Variants in GAB2 observed in about 807,000 individuals in gnomAD.
GAB2 encodes GRB2 associated binding protein 2, also known as GRB2-associated-binding protein 2.
GAB2 carries 26 observed loss-of-function variants against 65.5 expected under a neutral mutation model. The ratio of observed to expected loss-of-function variants is 0.40; its 90% CI spans 0.29 to 0.55. GAB2 has a LOEUF of 0.55. Ranked by LOEUF, GAB2 falls within the 20% of genes least tolerant of loss-of-function variation. The pLI, the probability that GAB2 is intolerant of heterozygous loss-of-function variation, is 0.53. For missense variants in GAB2, 884 were observed against 875.8 expected, an observed-to-expected ratio of 1.01 and a Z score of -0.12; for synonymous variants, 321 against 329.6, an observed-to-expected ratio of 0.97 and a Z score of 0.28.
At chr11:78,395,392 T>A in intron 1 of GAB2, among the ~76,000 whole-genome samples, 1 of 152,242 alleles carries the variant, frequency 6.6e-6, no homozygotes, top group East Asian at 1.9e-4. Flanking sequence ...GGGCAGAGGT[T>A]GCAGTGAGCT....
intron 1 of GAB2, among the ~76,000 whole-genome samples, chr11:78,408,690 G>T (rs1272837478): frequency 5.9e-5 from 9 of 152,160 alleles, no homozygotes; most frequent in African/African-American, 1.7e-4. Flanking sequence ...GGGCCTGATG[G>T]GAAATGATTG....
At chr11:78,245,930 T>A (rs1038050068) in intron 3 of GAB2, among the ~76,000 whole-genome samples, 4 of 151,332 alleles carry the variant, frequency 2.6e-5, no homozygotes, top group African/African-American at 9.7e-5. Context: ...TGGCAGAGGG[T>A]TTTTTTATTT....
intron 1 of GAB2, chr11:78,341,833 A>T (rs1334741606): frequency 1.0e-6 from 1 of 984,660 alleles, no homozygotes; most frequent in Non-Finnish European, 1.2e-6. Flanking sequence ...TGTCTCAGTT[A>T]CTCCTCTCTT....
chr11:78,286,584 AT>A (rs545937814), intron 1 of GAB2, among the ~76,000 whole-genome samples: 1 of 151,750 alleles, frequency 6.6e-6, no homozygotes, highest in African/African-American at 2.4e-5. Context: ...AGATCTGTTG[AT>A]TTTTTTTCAT....
chr11:78,385,728 T>C (rs1856757500), intron 1 of GAB2, among the ~76,000 whole-genome samples: 1 of 152,120 alleles, frequency 6.6e-6, no homozygotes, highest in Non-Finnish European at 1.5e-5. Flanking sequence ...ATGTCCAATG[T>C]CTCCAAACTG....
At chr11:78,345,612 A>G (rs1856167820) in intron 1 of GAB2, among the ~76,000 whole-genome samples, 1 of 152,226 alleles carries the variant, frequency 6.6e-6, no homozygotes, top group Non-Finnish European at 1.5e-5. Context: ...TAAACTGTGC[A>G]GAATAGTCAA....
intron 1 of GAB2, among the ~76,000 whole-genome samples, chr11:78,379,779 G>A (rs563687527): frequency 6.6e-6 from 1 of 152,256 alleles, no homozygotes; most frequent in African/African-American, 2.4e-5. Flanking sequence ...TAAATCAAGG[G>A]CCATTTTAAG....
chr11:78,226,956 T>C lies in GAB2; in HGVS notation c.716A>G (p.Asn239Ser), dbSNP rs764556757. ...GCCATGGACTTGACCACTGATCCCG[T>C]TGACACAGTGTCCATTGCCCTGGGC... ...KLAQGNGHCV[N>S]GISGQVHGFY... The change falls in exon 4 of 10, where the codon AAC (asparagine) becomes AGC (serine). Residue 239 changes from asparagine (N) to serine (S), a missense_variant. By Grantham distance (46) the Asn-to-Ser change is conservative. Transcript: ENST00000361507. 19 of 1,613,536 alleles carry C rather than the reference T, an allele frequency of 1.2e-5. No individual in the cohort carries two copies. Among genetic ancestry groups the C allele is most frequent in the Middle Eastern group, 1.6e-4 (1 of 6,084 alleles).
chr11:78,371,681 G>A lies in GAB2; in HGVS notation c.75+45965C>T, dbSNP rs773398470. 5.3e-5 allele frequency among the ~76,000 whole-genome samples: 8 copies of A among 152,212 alleles called. 1 individual carries two copies. The highest frequency in any genetic ancestry group is 4.1e-4 in the South Asian group (2 of 4,830). On this transcript the variant is annotated intron_variant, in intron 1 of 9. Coordinates refer to ENST00000361507, the MANE Select transcript of GAB2 (RefSeq NM_080491.3). ...AGTTCATGCTTATAGCTGGGGCTAA[G>A]CACACATTTGCTGAATGAACCAAGA...
intron 1 of GAB2, among the ~76,000 whole-genome samples, chr11:78,413,022 T>C (rs1324556088): frequency 6.6e-6 from 1 of 152,224 alleles, no homozygotes; most frequent in East Asian, 1.9e-4. Context: ...AAGTTTCTCA[T>C]CTGAGCAAGT....
At chr11:78,406,502 G>T (rs534833591) in intron 1 of GAB2, among the ~76,000 whole-genome samples, 1 of 151,792 alleles carries the variant, frequency 6.6e-6, no homozygotes, top group African/African-American at 2.4e-5. Flanking sequence ...CTCAGCCTCC[G>T]AAGTAGCTGG....
intron 1 of GAB2, among the ~76,000 whole-genome samples, chr11:78,373,190 T>C (rs1856593917): frequency 6.6e-6 from 1 of 152,010 alleles, no homozygotes; most frequent in Non-Finnish European, 1.5e-5. Context: ...CTCTGTTCTA[T>C]ACATTATATA....
chr11:78,348,811 G>C (rs1420772678), intron 1 of GAB2, among the ~76,000 whole-genome samples: 1 of 152,166 alleles, frequency 6.6e-6, no homozygotes, highest in Non-Finnish European at 1.5e-5. Flanking sequence ...CCAGAAACAA[G>C]AAAGAACCCA....
chr11:78,283,616 C>T (rs965299852), intron 1 of GAB2, among the ~76,000 whole-genome samples: 1 of 152,146 alleles, frequency 6.6e-6, no homozygotes, highest in African/African-American at 2.4e-5. Flanking sequence ...AACTGCACCA[C>T]TGAAATAGCT....
At chr11:78,269,548 C>T (rs1213039091) in intron 2 of GAB2, among the ~76,000 whole-genome samples, 1 of 152,214 alleles carries the variant, frequency 6.6e-6, no homozygotes, top group Non-Finnish European at 1.5e-5. Context: ...AGGCACCAGT[C>T]ATTCTCTCTA....
chr11:78,288,411 G>GA (rs1449473634), intron 1 of GAB2, among the ~76,000 whole-genome samples: 4 of 143,778 alleles, frequency 2.8e-5, no homozygotes, highest in Non-Finnish European at 6.1e-5. Flanking sequence ...AGAAGAAGAA[G>GA]AAGAAAGAAA....
Position 78,328,844 on chromosome 11 carries a change from T to C in GAB2, c.76-47943A>G, listed in dbSNP as rs530407812. 3.9e-4 allele frequency among the ~76,000 whole-genome samples: 59 copies of C among 152,250 alleles called. No homozygotes were observed. In the South Asian group the frequency reaches 0.011, roughly 29 times the overall value. ...TCTGGAACGATGGTAATGTTTTATATAGTCTGATAGGAGCTTTAGTTACAT... is the reference window on the plus strand; with the variant it reads ...TCTGGAACGATGGTAATGTTTTATACAGTCTGATAGGAGCTTTAGTTACAT... On this transcript the variant is annotated intron_variant, in intron 1 of 9. Coordinates refer to ENST00000361507, the MANE Select transcript of GAB2 (RefSeq NM_080491.3).
At chr11:78,246,011 C>A (rs1317446073) in intron 3 of GAB2, among the ~76,000 whole-genome samples, 1 of 149,752 alleles carries the variant, frequency 6.7e-6, no homozygotes, top group Non-Finnish European at 1.5e-5. Context: ...AATGGCGCAA[C>A]CTCCGCCTCC....
At chr11:78,298,814 T>C (rs1164267210) in intron 1 of GAB2, among the ~76,000 whole-genome samples, 1 of 152,156 alleles carries the variant, frequency 6.6e-6, no homozygotes, top group African/African-American at 2.4e-5. Flanking sequence ...GGAATATAAA[T>C]TGTTTCCTTT....
Sources: gnomAD v4.1 joint callset for allele counts (sites outside exome capture counted in the v4.1 genomes callset) on GRCh38, gnomAD v4.1.1 for gene constraint, MANE v1.5 for transcripts, NCBI Gene and HGNC (gene_info 2026-07-23, HGNC 2026-07-21) for gene names.